SPON1: variants seen among roughly 807,000 people sequenced by gnomAD.
SPON1 encodes spondin 1.
SPON1 carries 52 observed loss-of-function variants against 111.7 expected under a neutral mutation model. The observed-to-expected ratio is 0.47, with a 90% confidence interval of 0.37 to 0.59. SPON1 has a LOEUF of 0.59. Among genes scored for constraint, SPON1 ranks in the 20% least tolerant of loss-of-function variants. The pLI is 0.00. For missense variants in SPON1, 957 were observed against 1,068.5 expected, an observed-to-expected ratio of 0.90 and a Z score of 1.46; for synonymous variants, 410 against 395.8, an observed-to-expected ratio of 1.04 and a Z score of -0.43.
intron 6 of SPON1, among the ~76,000 whole-genome samples, chr11:14,237,853 C>T (rs900108586): frequency 1.8e-4 from 28 of 152,274 alleles, no homozygotes; most frequent in African/African-American, 6.7e-4. Context: ...CTAGGACATG[C>T]CCTTAAGAGC....
chr11:13,969,880 A>C (rs1303587729), intron 1 of SPON1, among the ~76,000 whole-genome samples: 2 of 152,230 alleles, frequency 1.3e-5, no homozygotes, highest in African/African-American at 4.8e-5. Context: ...TCCTCAGTTG[A>C]GTAGCAGATA....
At chr11:14,176,460 G>T (rs1199386463) in intron 6 of SPON1, among the ~76,000 whole-genome samples, 1 of 151,976 alleles carries the variant, frequency 6.6e-6, no homozygotes, top group African/African-American at 2.4e-5. Context: ...GAGGCTACAG[G>T]TATCCCATGG....
intron 2 of SPON1, among the ~76,000 whole-genome samples, chr11:14,039,910 GA>G (rs1464979530): frequency 6.6e-6 from 1 of 152,146 alleles, no homozygotes; most frequent in Non-Finnish European, 1.5e-5. Flanking sequence ...ACAATTTGCA[GA>G]AAGGCAAACC....
At chr11:14,172,227 A>G (rs1554932574) in intron 6 of SPON1, among the ~76,000 whole-genome samples, 1 of 151,948 alleles carries the variant, frequency 6.6e-6, no homozygotes, top group South Asian at 2.1e-4. Context: ...TGTTGAATTG[A>G]TCCCTTTACT....
intron 3 of SPON1, among the ~76,000 whole-genome samples, chr11:14,063,441 C>G (rs1365336803): frequency 1.3e-5 from 2 of 152,142 alleles, no homozygotes; most frequent in African/African-American, 4.8e-5. Context: ...CCTTCTCCCA[C>G]TCTTCCTTTC....
chr11:14,240,311 T>TAAATGTGGTA (rs1463963700), intron 6 of SPON1, among the ~76,000 whole-genome samples: 1 of 152,246 alleles, frequency 6.6e-6, no homozygotes. Flanking sequence ...GCTTTTTAAA[T>TAAATGTGGTA]AAATGTGGTA....
At chr11:14,080,059 A>G (rs1460794131) in intron 5 of SPON1, 38 bp downstream of exon 5, 4 of 1,613,094 alleles carry the variant, frequency 2.5e-6, no homozygotes, top group Non-Finnish European at 3.4e-6. Context: ...GGGGAAAAGC[A>G]CATTGTCAAA....
chr11:14,055,495 A>T (rs2697820), intron 3 of SPON1, among the ~76,000 whole-genome samples: 65,782 of 152,080 alleles, frequency 0.43, 14,700 homozygotes, highest in South Asian at 0.57. Context: ...AGATTATGAG[A>T]TCAGAACTAA....
intron 2 of SPON1, among the ~76,000 whole-genome samples, chr11:14,014,988 A>G (rs957681030): frequency 2.6e-5 from 4 of 152,178 alleles, no homozygotes; most frequent in Admixed American, 6.5e-5. Flanking sequence ...GCACGTACAC[A>G]CACACACTTG....
At chr11:14,185,459 A>G (rs1201276860) in intron 6 of SPON1, among the ~76,000 whole-genome samples, 2 of 152,226 alleles carry the variant, frequency 1.3e-5, no homozygotes, top group Admixed American at 6.5e-5. Flanking sequence ...ACTCATCTAT[A>G]GAATCTTGCA....
At chr11:14,025,156 C>T (rs1453424202) in intron 2 of SPON1, among the ~76,000 whole-genome samples, 8 of 152,230 alleles carry the variant, frequency 5.3e-5, no homozygotes, top group Middle Eastern at 3.4e-3. Flanking sequence ...GTCTAGGCAC[C>T]GGGAACACAG....
At chr11:14,124,074 G>C (rs1847429224) in intron 5 of SPON1, among the ~76,000 whole-genome samples, 1 of 152,056 alleles carries the variant, frequency 6.6e-6, no homozygotes, top group Admixed American at 6.5e-5. Flanking sequence ...TCTCTTCTCT[G>C]CTTCACATTG....
chr11:13,977,318 A>G (rs1848110423), intron 1 of SPON1, among the ~76,000 whole-genome samples: 1 of 152,234 alleles, frequency 6.6e-6, no homozygotes. Flanking sequence ...ACAGTGTGTG[A>G]AAGTTCTAGT....
chr11:14,164,501 C>G lies in SPON1; in HGVS notation c.825+28933C>G, dbSNP rs143284048. On this transcript the variant is annotated intron_variant, in intron 6 of 15. Coordinates refer to ENST00000576479, the MANE Select transcript of SPON1 (RefSeq NM_006108.4). ...GCCCCTCTTTGTCTTCTGGACTGTC[C>G]ACCTACAAACTTTTTTACATAAGAC... is the stretch of plus-strand genomic sequence containing the variant. 3.5e-4 allele frequency among the ~76,000 whole-genome samples: 53 copies of G among 152,194 alleles called. 1 individual carries two copies. Among genetic ancestry groups the G allele is most frequent in the African/African-American group, 1.2e-3 (50 of 41,530 alleles).
intron 6 of SPON1, among the ~76,000 whole-genome samples, chr11:14,210,658 A>G (rs1057152401): frequency 3.3e-5 from 5 of 152,134 alleles, no homozygotes; most frequent in Non-Finnish European, 2.9e-5. Flanking sequence ...TTGGCCTCCC[A>G]AAGTGCTAGG....
At chr11:14,218,482 A>C (rs1554937316) in intron 6 of SPON1, among the ~76,000 whole-genome samples, 1 of 152,176 alleles carries the variant, frequency 6.6e-6, no homozygotes, top group Non-Finnish European at 1.5e-5. Flanking sequence ...ACAACATCCT[A>C]ATGATTTCTG....
intron 6 of SPON1, among the ~76,000 whole-genome samples, chr11:14,205,219 C>T (rs558470029): frequency 1.5e-4 from 23 of 152,290 alleles, no homozygotes; most frequent in Admixed American, 1.3e-3. Context: ...AGCAATTATC[C>T]ATATTCCCAC....
intron 2 of SPON1, among the ~76,000 whole-genome samples, chr11:14,005,502 TGA>T (rs1848352449): frequency 6.6e-6 from 1 of 152,146 alleles, no homozygotes; most frequent in African/African-American, 2.4e-5. Context: ...TGCTCCACGT[TGA>T]GATTTGTGGC....
In SPON1 at chr11:14,268,022, C is replaced by A. The variant is rs1016454115; in HGVS notation, c.*2335C>A. ...CAGACATTGGGTCACTCACTGGTCA[C>A]CTTGCCAGTGCATTTTATTAGAAGG... On this transcript the variant is annotated 3_prime_UTR_variant, in exon 16 of 16. Transcript: ENST00000576479. 16 of 152,224 alleles carry A rather than the reference C, an allele frequency of 1.1e-4. No individual in the cohort carries two copies. The highest frequency in any genetic ancestry group is 3.9e-4 in the African/African-American group (16 of 41,538). The allele number at this position is 152,224 out of a possible 1,614,324, so 9.4% of individuals were successfully genotyped here. A position where few individuals can be genotyped will look rare whatever the true frequency, so the allele number is the denominator to read the frequency against.
Sources: gnomAD v4.1 joint callset for allele counts (sites outside exome capture counted in the v4.1 genomes callset) on GRCh38, gnomAD v4.1.1 for gene constraint, MANE v1.5 for transcripts, NCBI Gene and HGNC (gene_info 2026-07-23, HGNC 2026-07-21) for gene names.